The following ZNF26 variants were observed in gnomAD, a reference collection of about 807,000 sequenced individuals.
ZNF26 encodes the protein epididymis luminal protein 179.
Under a neutral mutation model 54.9 loss-of-function variants are expected in ZNF26, and 32 were observed. That is an observed-to-expected ratio of 0.58 (90% CI 0.44 to 0.78). ZNF26 has a LOEUF of 0.78. ZNF26 is among the 30% of genes least tolerant of loss of function. The pLI, the probability that ZNF26 is intolerant of heterozygous loss-of-function variation, is 0.00. For missense variants in ZNF26, 524 were observed against 634.0 expected (o/e 0.83, Z 1.86); for synonymous variants, 221 against 209.2 (o/e 1.06, Z -0.49).
rs1193864973 is a variant in ZNF26 at position 133,012,578 on chromosome 12, G to GTTTTTTTTTTTTTTTTT, written c.*1112_*1128dup. The GTTTTTTTTTTTTTTTTT allele has an allele frequency of 3.7e-4, 14 of 37,668 alleles. 3 individuals carry two copies. Among genetic ancestry groups the GTTTTTTTTTTTTTTTTT allele is most frequent in the South Asian group, 1.6e-3 (1 of 640 alleles). 2.3% of individuals were successfully genotyped at this position (37,668 alleles called of 1,614,324 possible). The stretch of plus-strand genomic sequence containing the variant: ...ATGTCTTTTGCTTTTTGTTGTTTGG[G>GTTTTTTTTTTTTTTTTT]TTTTTTTTTTTTTTTTTTTTTTTTT... On this transcript the variant is annotated 3_prime_UTR_variant, in exon 4 of 4. Coordinates refer to ENST00000328654, the MANE Select transcript of ZNF26 (RefSeq NM_019591.4).
At position 133,017,024 on chromosome 12, in the gene ZNF26, G is replaced by A. The variant is rs1453546094; in HGVS notation, c.*5543G>A. On this transcript the variant is annotated 3_prime_UTR_variant, in exon 4 of 4. Coordinates refer to ENST00000328654, the MANE Select transcript of ZNF26 (RefSeq NM_019591.4). ...CCTAGAAGGGTTATTCACAAACCAG[G>A]GTGAAATAATGTCATTTTAAACAAA... 4 of 151,924 alleles carry A rather than the reference G, an allele frequency of 2.6e-5. No homozygotes were observed. The highest frequency in any genetic ancestry group is 5.9e-5 in the Non-Finnish European group (4 of 68,008). 9.4% of individuals were successfully genotyped at this position (151,924 alleles called of 1,614,324 possible).
chr12:132,996,398 C>T, intron 1 of ZNF26, among the ~76,000 whole-genome samples: 1 of 152,170 alleles, frequency 6.6e-6, no homozygotes, highest in Non-Finnish European at 1.5e-5. Flanking sequence ...TTTTCTCTCG[C>T]AATTTTAGTT....
intron 1 of ZNF26, among the ~76,000 whole-genome samples, chr12:132,999,421 A>AT (rs1953163432): frequency 6.6e-6 from 1 of 151,412 alleles, no homozygotes; most frequent in African/African-American, 2.4e-5. Context: ...CACCTGGCTG[A>AT]TTTTTTTGTG....
chr12:132,994,081 T>C (rs1953022373), intron 1 of ZNF26, among the ~76,000 whole-genome samples: 2 of 152,206 alleles, frequency 1.3e-5, no homozygotes, highest in African/African-American at 4.8e-5. Context: ...GGGAACCTGG[T>C]TGAGCTCCTG....
Position 133,001,308 on chromosome 12 carries a change from C to T in ZNF26, c.34-5734C>T, listed in dbSNP as rs956721182. Among the ~76,000 whole-genome samples the T allele has an allele frequency of 1.3e-5, 2 of 152,170 alleles. No individual in the cohort carries two copies. The highest frequency in any genetic ancestry group is 2.4e-5 in the African/African-American group (1 of 41,448). On this transcript the variant is annotated intron_variant, in intron 1 of 3. Transcript: ENST00000328654. This position sits in a 1 kb window ranked among gnomAD's most constrained non-coding sequence, Gnocchi z 4.7. ...TCAGTCCACACTCTCACTCCAAGCT[C>T]TTGTACCTCCCCTCATTCTAGCCTG... is the stretch of plus-strand genomic sequence containing the variant.
chr12:132,987,612 G>T (rs1952852968), intron 1 of ZNF26: 1 of 725,798 alleles, frequency 1.4e-6, no homozygotes, highest in Non-Finnish European at 1.7e-6. Flanking sequence ...ATTGGAAGAG[G>T]GACCCTGGGA....
intron 3 of ZNF26, among the ~76,000 whole-genome samples, chr12:133,008,791 A>AAG (rs1555285793): frequency 1.3e-4 from 20 of 151,872 alleles, no homozygotes; most frequent in South Asian, 1.0e-3. Flanking sequence ...AAAAAAAAAA[A>AAG]AAAAGAAAAA....
intron 1 of ZNF26, among the ~76,000 whole-genome samples, chr12:132,991,922 C>G (rs972434909): frequency 5.3e-5 from 8 of 151,908 alleles, no homozygotes; most frequent in African/African-American, 1.9e-4. Flanking sequence ...CTGAGGCCGG[C>G]GGGTCATTTG....
intron 1 of ZNF26, among the ~76,000 whole-genome samples, chr12:132,995,776 C>G (rs1953068145): frequency 6.6e-6 from 1 of 152,068 alleles, no homozygotes; most frequent in Non-Finnish European, 1.5e-5. Flanking sequence ...CTCAGCCTAC[C>G]CAGTAGCTGG....
rs1953578232 is a variant in ZNF26 at position 133,017,290 on chromosome 12, C to T, written c.*5809C>T. 1 of 152,188 alleles carries T rather than the reference C, an allele frequency of 6.6e-6. No homozygotes were observed. Among genetic ancestry groups the T allele is most frequent in the Non-Finnish European group, 1.5e-5 (1 of 68,032 alleles). 9.4% of individuals were successfully genotyped at this position (152,188 alleles called of 1,614,324 possible). A position where few individuals can be genotyped will look rare whatever the true frequency, so the allele number is the denominator to read the frequency against. ...GACCCACTTTACCACAGATAAGGTT[C>T]AGTGGTGGTCCCATGACTGATCTAT... On this transcript the variant is annotated 3_prime_UTR_variant, in exon 4 of 4. Transcript: ENST00000328654.
rs1953645380 is a variant in ZNF26, at chr12:133,021,740, C to T, written c.*10259C>T. 1 of 128,688 alleles carries T rather than the reference C, an allele frequency of 7.8e-6. No individual in the cohort carries two copies. The highest frequency in any genetic ancestry group is 1.6e-5 in the Non-Finnish European group (1 of 60,904). 8.0% of individuals were successfully genotyped at this position (128,688 alleles called of 1,614,324 possible). A position where few individuals can be genotyped will look rare whatever the true frequency, so the allele number is the denominator to read the frequency against. Reference sequence around the variant, plus strand: ...CGGGATCACACCACTGCACTCCAGCCTGGGTGACAGAGTGAAACTGTCTCA... The same window carrying T: ...CGGGATCACACCACTGCACTCCAGCTTGGGTGACAGAGTGAAACTGTCTCA... On this transcript the variant is annotated 3_prime_UTR_variant, in exon 4 of 4. Transcript: ENST00000328654.
chr12:133,007,336 C>T, intron 2 of ZNF26, 101 bp from the exon 3 acceptor site: 1 of 1,321,360 alleles, frequency 7.6e-7, no homozygotes, highest in South Asian at 1.4e-5. Flanking sequence ...TAATTGTAAT[C>T]TTTCCCCAAG....
chr12:132,986,764 GC>G lies in ZNF26; in HGVS notation c.-76del, dbSNP rs1952829647. ...GCCCTGGTCCCGCACCTGTCTTCGG[GC>G]GGACGCATCCCTCACGGTCTCTCCG... On this transcript the variant is annotated 5_prime_UTR_variant, in exon 1 of 4. Transcript: ENST00000328654. The G allele has an allele frequency of 6.6e-7, 1 of 1,506,136 alleles. No homozygotes were observed. The highest frequency in any genetic ancestry group is 2.0e-5 in the Admixed American group (1 of 50,142). The allele number at this position is 1,506,136 out of a possible 1,614,324, so 93.3% of individuals were successfully genotyped here.
At chr12:133,009,323 TG>T (rs1953415888) in intron 3 of ZNF26, among the ~76,000 whole-genome samples, 1 of 152,228 alleles carries the variant, frequency 6.6e-6, no homozygotes, top group Admixed American at 6.5e-5. Flanking sequence ...CTGGGCACAG[TG>T]GCTCACACCT....
chr12:133,004,495 T>C (rs1953283034), intron 1 of ZNF26: 2 of 152,216 alleles, frequency 1.3e-5, no homozygotes, highest in African/African-American at 4.8e-5. Context: ...GTGTAATTTT[T>C]TTTTTTTAGA....
rs1181250256 is a variant in ZNF26, at chr12:133,016,419, T to TTC, written c.*4939_*4940insCT. 6.6e-6 allele frequency: 1 copy of TTC among 150,420 alleles called. No homozygotes were observed. Among genetic ancestry groups the TTC allele is most frequent in the Non-Finnish European group, 1.5e-5 (1 of 67,736 alleles). 9.3% of individuals were successfully genotyped at this position (150,420 alleles called of 1,614,324 possible). On this transcript the variant is annotated 3_prime_UTR_variant, in exon 4 of 4. Transcript: ENST00000328654. Reference sequence around the variant, plus strand: ...AACAATTTAGCTACTTTTTTTTTTTTTTTTTAACTATTTTAAGAGCATCAC... The same window carrying TTC: ...AACAATTTAGCTACTTTTTTTTTTTTTCTTTTTAACTATTTTAAGAGCATCAC...
chr12:132,986,885 C>T lies in ZNF26; in HGVS notation c.33+12C>T. ...CAGCTTCGTGCTGGGTAAGTAGAGACTTTCCGTGTTTAAAATTCGACTGGA... is the reference window on the plus strand; with the variant it reads ...CAGCTTCGTGCTGGGTAAGTAGAGATTTTCCGTGTTTAAAATTCGACTGGA... On this transcript the variant is annotated intron_variant, in intron 1 of 3. Coordinates refer to ENST00000328654, the MANE Select transcript of ZNF26 (RefSeq NM_019591.4). 1.2e-6 allele frequency: 2 copies of T among 1,603,662 alleles called. 1 individual carries two copies. The highest frequency in any genetic ancestry group is 2.2e-5 in the South Asian group (2 of 89,176).
intron 1 of ZNF26, among the ~76,000 whole-genome samples, chr12:132,989,331 G>A (rs1315453842): frequency 1.4e-4 from 21 of 152,020 alleles, no homozygotes; most frequent in African/African-American, 4.3e-4. Flanking sequence ...CCACCGTGCC[G>A]GGTCTGGTGA....
At chr12:133,007,621 A>AGCATTTCTGAAGAC in intron 3 of ZNF26, 89 bp downstream of exon 3, 1 of 931,944 alleles carries the variant, frequency 1.1e-6, no homozygotes, top group Non-Finnish European at 1.6e-6. Context: ...TGTCTTCAGA[A>AGCATTTCTGAAGAC]ATGCTTCTGG....
Sources: allele counts gnomAD v4.1 joint callset (sites outside exome capture counted in the v4.1 genomes callset), GRCh38; gene constraint gnomAD v4.1.1; non-coding constraint Gnocchi (gnomAD v3.1); transcripts MANE v1.5; gene names NCBI Gene and HGNC (gene_info 2026-07-23, HGNC 2026-07-21).